LARS2: variants seen among roughly 807,000 people sequenced by gnomAD.
LARS2 encodes the protein leucine--tRNA ligase, mitochondrial.
LARS2 carries 81 observed loss-of-function variants against 116.6 expected under a neutral mutation model. The ratio of observed to expected loss-of-function variants is 0.69; its 90% CI spans 0.58 to 0.84. The LOEUF (loss-of-function observed/expected upper bound fraction) is 0.84. LARS2 is among the 40% of genes least tolerant of loss of function. LARS2 has a pLI of 0.00. For missense variants in LARS2, 968 were observed against 1,114.5 expected (o/e 0.87, Z 1.87); for synonymous variants, 396 against 407.2 (o/e 0.97, Z 0.33).
rs182930400 is a variant in LARS2, at chr3:45,547,770, C to G, written c.*240C>G. 1 of 420,218 alleles carries G rather than the reference C, an allele frequency of 2.4e-6. No homozygotes were observed. Among genetic ancestry groups the G allele is most frequent in the African/African-American group, 2.0e-5 (1 of 48,824 alleles). The allele number at this position is 420,218 out of a possible 1,614,324, so 26.0% of individuals were successfully genotyped here. A position where few individuals can be genotyped will look rare whatever the true frequency, so the allele number is the denominator to read the frequency against. ...ACTGAGGAGGGGGTTGGACATCCTG[C>G]CCCTCACCCCCCACCCACACTGCAG... On this transcript the variant is annotated 3_prime_UTR_variant, in exon 22 of 22. Transcript: ENST00000645846.
At chr3:45,456,980 A>G (rs1418611787) in intron 7 of LARS2, among the ~76,000 whole-genome samples, 1 of 152,216 alleles carries the variant, frequency 6.6e-6, no homozygotes, top group Non-Finnish European at 1.5e-5. Context: ...GAAAGGAGTC[A>G]TTGAAGACAA....
intron 11 of LARS2, among the ~76,000 whole-genome samples, chr3:45,486,120 C>G (rs1379510088): frequency 6.6e-6 from 1 of 151,748 alleles, no homozygotes; most frequent in Non-Finnish European, 1.5e-5. Flanking sequence ...AATTTCAAGA[C>G]TCATAGAACC....
chr3:45,540,174 G>T lies in LARS2; in HGVS notation c.2405-1655G>T, dbSNP rs572563821. Among the ~76,000 whole-genome samples, 10 of 152,116 alleles carry T rather than the reference G, an allele frequency of 6.6e-5. No homozygotes were observed. The East Asian group carries it at 1.9e-3, about 29-fold the overall frequency. On this transcript the variant is annotated intron_variant, in intron 20 of 21. Transcript: ENST00000645846. ...CTCAGGAGGCTGAGGCAGGAGAATCGCTTGAACCTGGGAGGCAGAGGTTGC... is the reference window on the plus strand; with the variant it reads ...CTCAGGAGGCTGAGGCAGGAGAATCTCTTGAACCTGGGAGGCAGAGGTTGC...
chr3:45,498,307 G>A (rs1182503363), intron 14 of LARS2, among the ~76,000 whole-genome samples: 3 of 152,138 alleles, frequency 2.0e-5, no homozygotes, highest in Non-Finnish European at 4.4e-5. Context: ...TTCTTCCTGG[G>A]GTGGTTTCCT....
At chr3:45,467,866 C>A (rs1042282362) in intron 8 of LARS2, among the ~76,000 whole-genome samples, 1 of 152,084 alleles carries the variant, frequency 6.6e-6, no homozygotes, top group African/African-American at 2.4e-5. Context: ...GTGGGTAGAT[C>A]GCTTGAGCCC....
At chr3:45,536,585 T>C (rs907223723) in intron 20 of LARS2, among the ~76,000 whole-genome samples, 12 of 152,118 alleles carry the variant, frequency 7.9e-5, no homozygotes, top group African/African-American at 2.7e-4. Context: ...TCCTGGGGAG[T>C]GAACTCACTT....
At chr3:45,524,641 G>A (rs1484176056) in intron 20 of LARS2, among the ~76,000 whole-genome samples, 5 of 152,174 alleles carry the variant, frequency 3.3e-5, no homozygotes, top group Admixed American at 2.0e-4. Context: ...ACTGGGATTA[G>A]GCCAAGCATA....
At chr3:45,443,417 GCTCTATGA>G (rs1698947430) in intron 6 of LARS2, among the ~76,000 whole-genome samples, 1 of 152,188 alleles carries the variant, frequency 6.6e-6, no homozygotes, top group Non-Finnish European at 1.5e-5. Flanking sequence ...GTTCCAGAGG[GCTCTATGA>G]CTTTCAGGAG....
At chr3:45,394,385 G>T in intron 2 of LARS2, 48 bp from the exon 3 acceptor site, 1 of 1,027,492 alleles carries the variant, frequency 9.7e-7, no homozygotes. Flanking sequence ...ATAAGCTCTG[G>T]GGAGGGTTTG....
rs1699577505 is a variant in LARS2 at position 45,474,294 on chromosome 3, A to G, written c.802A>G (p.Met268Val). Residue 268 changes from methionine (M) to valine (V), a missense_variant, in exon 9 of 22, where the codon ATG (methionine) becomes GTG (valine). Met to Val is a conservative substitution (Grantham distance 21, BLOSUM62 1). Transcript: ENST00000645846. Reference protein sequence around the residue: ...DLPEWYGIKGMQAHWIGDCVG... With the variant: ...DLPEWYGIKGVQAHWIGDCVG... ...TCCAGAATGGTATGGAATAAAAGGC[A>G]TGCAAGCCCACTGGATTGGGGACTG... is the stretch of plus-strand genomic sequence containing the variant. 6.2e-7 allele frequency: 1 copy of G among 1,612,040 alleles called. No homozygotes were observed. Among genetic ancestry groups the G allele is most frequent in the Non-Finnish European group, 8.5e-7 (1 of 1,178,410 alleles).
intron 7 of LARS2, among the ~76,000 whole-genome samples, chr3:45,456,497 C>T (rs768916910): frequency 1.3e-5 from 2 of 152,196 alleles, no homozygotes; most frequent in South Asian, 4.1e-4. Flanking sequence ...GCAGGAGAAT[C>T]ACTTGAACCC....
chr3:45,495,895 A>G (rs1398021001), intron 13 of LARS2, among the ~76,000 whole-genome samples: 3 of 150,644 alleles, frequency 2.0e-5, no homozygotes, highest in Non-Finnish European at 3.0e-5. Flanking sequence ...GAGTCTTGCT[A>G]TGTCACCAGG....
chr3:45,440,107 C>T (rs1171103318), intron 6 of LARS2, among the ~76,000 whole-genome samples: 1 of 152,202 alleles, frequency 6.6e-6, no homozygotes, highest in Non-Finnish European at 1.5e-5. Flanking sequence ...GAGCCTGTCT[C>T]TCCCTCTTCC....
Position 45,547,664 on chromosome 3 carries a change from A to ACACTGTT in LARS2, c.*134_*135insCACTGTT. The ACACTGTT allele has an allele frequency of 1.3e-6, 1 of 791,580 alleles. No homozygotes were observed. The highest frequency in any genetic ancestry group is 2.0e-6 in the Non-Finnish European group (1 of 500,868). 49.0% of individuals were successfully genotyped at this position (791,580 alleles called of 1,614,324 possible). A position where few individuals can be genotyped will look rare whatever the true frequency, so the allele number is the denominator to read the frequency against. Reference sequence around the variant, plus strand: ...TGACTGTTGACCTCGGTCCTGTGGCAGACTGCAGTCAACAGTGTGCCTCTG... The same window carrying ACACTGTT: ...TGACTGTTGACCTCGGTCCTGTGGCACACTGTTGACTGCAGTCAACAGTGTGCCTCTG... On this transcript the variant is annotated 3_prime_UTR_variant, in exon 22 of 22. Transcript: ENST00000645846.
chr3:45,455,646 A>G (rs747063062), intron 7 of LARS2, among the ~76,000 whole-genome samples: 3 of 152,112 alleles, frequency 2.0e-5, no homozygotes, highest in Non-Finnish European at 2.9e-5. Context: ...TTCTGGGAGT[A>G]TATCCAAAGG....
Position 45,488,694 on chromosome 3 carries a change from T to C in LARS2, c.1124-3T>C. 2.5e-6 allele frequency: 4 copies of C among 1,570,984 alleles called. No individual in the cohort carries two copies. Among genetic ancestry groups the C allele is most frequent in the Non-Finnish European group, 3.5e-6 (4 of 1,140,542 alleles). On this transcript the variant is annotated splice_polypyrimidine_tract_variant and splice_region_variant and intron_variant, in intron 11 of 21. Coordinates refer to ENST00000645846, the MANE Select transcript of LARS2 (RefSeq NM_015340.4). The stretch of plus-strand genomic sequence containing the variant: ...ATGTTTTCTTTTCTTCTCCTCTGAA[T>C]AGGAATTCCCAGTACTAGCTCAGAG...
At chr3:45,508,819 A>C (rs1346049782) in intron 15 of LARS2, among the ~76,000 whole-genome samples, 3 of 151,622 alleles carry the variant, frequency 2.0e-5, no homozygotes, top group African/African-American at 7.3e-5. Context: ...TTATCCTAAT[A>C]ATTAGCAACT....
Position 45,510,659 on chromosome 3 carries a change from C to T in LARS2, c.1761-2476C>T, listed in dbSNP as rs78997602. Among the ~76,000 whole-genome samples the T allele has an allele frequency of 1.9e-3, 295 of 152,272 alleles. 2 individuals carry two copies. Among genetic ancestry groups the T allele is most frequent in the African/African-American group, 6.6e-3 (274 of 41,568 alleles). On this transcript the variant is annotated intron_variant, in intron 15 of 21. Transcript: ENST00000645846. Reference sequence around the variant, plus strand: ...GTTTGGGAAATGGCGTGAGTAAAGACGTGGAAGCACATGCAGGCAACATTT... The same window carrying T: ...GTTTGGGAAATGGCGTGAGTAAAGATGTGGAAGCACATGCAGGCAACATTT...
chr3:45,452,302 A>G (rs184024879), intron 7 of LARS2, among the ~76,000 whole-genome samples: 62 of 152,074 alleles, frequency 4.1e-4, no homozygotes, highest in African/African-American at 1.5e-3. Context: ...TTTCCCATTC[A>G]GTGTGGTATT....
Sources: allele counts gnomAD v4.1 joint callset (sites outside exome capture counted in the v4.1 genomes callset), GRCh38; gene constraint gnomAD v4.1.1; transcripts MANE v1.5; gene names NCBI Gene and HGNC (gene_info 2026-07-23, HGNC 2026-07-21).